Variants in PDE1A observed in about 807,000 individuals in gnomAD.
PDE1A encodes the protein dual specificity calcium/calmodulin-dependent 3',5'-cyclic nucleotide phosphodiesterase 1A.
Under a neutral mutation model 61.7 loss-of-function variants are expected in PDE1A, and 35 were observed. The observed-to-expected ratio is 0.57, with a 90% CI of 0.43 to 0.75. The LOEUF is 0.75. PDE1A is among the 30% of genes least tolerant of loss of function. The pLI is 0.00. For missense variants in PDE1A, 597 were observed against 630.6 expected, an observed-to-expected ratio of 0.95 and a Z score of 0.57; for synonymous variants, 232 against 213.2, an observed-to-expected ratio of 1.09 and a Z score of -0.77.
At chr2:182,692,688 A>G in the PDE1A span, among the ~76,000 whole-genome samples, 1 of 148,146 alleles carries the variant, frequency 6.8e-6, no homozygotes, top group Non-Finnish European at 1.5e-5. Flanking sequence ...TATATATATA[A>G]AATATATATA....
chr2:182,209,372 G>A (rs1049652139), intron 7 of PDE1A, among the ~76,000 whole-genome samples: 1 of 151,836 alleles, frequency 6.6e-6, no homozygotes, highest in East Asian at 2.0e-4. Context: ...ATCTCCCACT[G>A]GGTCTCTCCC....
intron 3 of PDE1A, among the ~76,000 whole-genome samples, chr2:182,235,203 G>T (rs979173564): frequency 3.3e-5 from 5 of 152,168 alleles, no homozygotes; most frequent in Non-Finnish European, 7.3e-5. Flanking sequence ...GAGTGCAGTG[G>T]TGTGATCTGT....
At chr2:182,185,397 T>C (rs976150746) in intron 13 of PDE1A, among the ~76,000 whole-genome samples, 2 of 152,214 alleles carry the variant, frequency 1.3e-5, no homozygotes, top group Non-Finnish European at 2.9e-5. Flanking sequence ...TACCTTCCCA[T>C]GCGATTGCTG....
chr2:182,462,767 T>G (rs1686392976), intron 2 of PDE1A, among the ~76,000 whole-genome samples: 1 of 152,190 alleles, frequency 6.6e-6, no homozygotes, highest in Admixed American at 6.5e-5. Context: ...CTACTGATTT[T>G]TTAAAAATTC....
chr2:182,608,075 C>T, the PDE1A span, among the ~76,000 whole-genome samples: 1 of 152,142 alleles, frequency 6.6e-6, no homozygotes, highest in Non-Finnish European at 1.5e-5. Context: ...GCCTCAGAAG[C>T]AAGAGTTTCC....
At chr2:182,500,351 C>A (rs1228976753) in intron 2 of PDE1A, among the ~76,000 whole-genome samples, 6 of 151,894 alleles carry the variant, frequency 4.0e-5, no homozygotes, top group African/African-American at 1.2e-4. Context: ...GGAGCTTGGT[C>A]TAAAAATGCT....
chr2:182,220,649 T>A (rs1258946751), intron 7 of PDE1A, among the ~76,000 whole-genome samples: 2 of 152,050 alleles, frequency 1.3e-5, no homozygotes, highest in East Asian at 1.9e-4. Flanking sequence ...ATTATTTCCA[T>A]TTATTTACAC....
At chr2:182,587,756 G>C in the PDE1A span, among the ~76,000 whole-genome samples, 3 of 152,092 alleles carry the variant, frequency 2.0e-5, no homozygotes, top group Admixed American at 6.5e-5. Context: ...GAATTTCTGA[G>C]CCACAATAAC....
At chr2:182,182,868 CT>C (rs1443597601) in intron 13 of PDE1A, among the ~76,000 whole-genome samples, 1 of 151,990 alleles carries the variant, frequency 6.6e-6, no homozygotes, top group Non-Finnish European at 1.5e-5. Flanking sequence ...TTATTTCTTC[CT>C]CAGTGAAGGC....
At chr2:182,147,419 T>C (rs1245324860) in intron 13 of PDE1A, among the ~76,000 whole-genome samples, 1 of 152,220 alleles carries the variant, frequency 6.6e-6, no homozygotes, top group Non-Finnish European at 1.5e-5. Context: ...GAAACATGTT[T>C]AAACATCTAT....
intron 1 of PDE1A, among the ~76,000 whole-genome samples, chr2:182,317,163 C>T (rs944286947): frequency 6.6e-6 from 1 of 152,050 alleles, no homozygotes; most frequent in African/African-American, 2.4e-5. Flanking sequence ...CTTTATGACA[C>T]GTGGAGTGAT....
At chr2:182,519,527 GA>G (rs1031744243) in intron 2 of PDE1A, among the ~76,000 whole-genome samples, 2 of 151,822 alleles carry the variant, frequency 1.3e-5, no homozygotes, top group African/African-American at 4.8e-5. Flanking sequence ...TGTCACAAAA[GA>G]AAAAGAGATT....
chr2:182,162,161 C>G (rs1574524691), intron 13 of PDE1A, among the ~76,000 whole-genome samples: 1 of 152,174 alleles, frequency 6.6e-6, no homozygotes, highest in Non-Finnish European at 1.5e-5. Flanking sequence ...TTGCTCTTCT[C>G]TGCATTCCAG....
At chr2:182,176,022 G>C (rs1274917865) in intron 13 of PDE1A, among the ~76,000 whole-genome samples, 77 of 148,404 alleles carry the variant, frequency 5.2e-4, no homozygotes, top group Non-Finnish European at 3.2e-4. Flanking sequence ...TCTGAGGGCT[G>C]TGTTCTGTTC....
chr2:182,478,243 A>G (rs182160959), intron 2 of PDE1A, among the ~76,000 whole-genome samples: 1 of 152,012 alleles, frequency 6.6e-6, no homozygotes, highest in East Asian at 1.9e-4. Context: ...CAAAACACCA[A>G]TGGAATTTTA....
chr2:182,507,561 G>C (rs1336873651), intron 2 of PDE1A, among the ~76,000 whole-genome samples: 6 of 151,988 alleles, frequency 3.9e-5, no homozygotes, highest in African/African-American at 1.4e-4. Context: ...GTCACATTTG[G>C]TAAGGGCCCA....
intron 2 of PDE1A, among the ~76,000 whole-genome samples, chr2:182,441,368 C>T (rs1023014778): frequency 6.7e-6 from 1 of 149,052 alleles, no homozygotes; most frequent in African/African-American, 2.6e-5. Flanking sequence ...ATGTATAAAT[C>T]TCCTATTTAT....
At chr2:182,627,285 A>T in the PDE1A span, among the ~76,000 whole-genome samples, 1 of 102,930 alleles carries the variant, frequency 9.7e-6, no homozygotes, top group Non-Finnish European at 1.8e-5. Flanking sequence ...TATATAAAAT[A>T]TAAATATATA....
chr2:182,184,674 C>T (rs954013743), intron 13 of PDE1A, among the ~76,000 whole-genome samples: 3 of 152,076 alleles, frequency 2.0e-5, no homozygotes, highest in Admixed American at 1.3e-4. Context: ...TGAGAACATA[C>T]AAAAGATTGC....
Sources: allele counts gnomAD v4.1 joint callset (sites outside exome capture counted in the v4.1 genomes callset), GRCh38; gene constraint gnomAD v4.1.1; transcripts MANE v1.5; gene names NCBI Gene and HGNC (gene_info 2026-07-23, HGNC 2026-07-21).